Variants in POLR1E observed in about 807,000 individuals in gnomAD.
The protein encoded by POLR1E is DNA-directed RNA polymerase I subunit RPA49.
A neutral mutation model predicts 50.9 loss-of-function variants in POLR1E; 37 were observed. The ratio of observed to expected loss-of-function variants is 0.73; its 90% confidence interval spans 0.56 to 0.96. The LOEUF (loss-of-function observed/expected upper bound fraction) is 0.96, where lower values mean the gene tolerates loss of function less well. POLR1E is among the 40% of genes least tolerant of loss of function. POLR1E has a pLI of 0.00. For missense variants in POLR1E, 426 were observed against 518.1 expected, an observed-to-expected ratio of 0.82 and a Z score of 1.73; for synonymous variants, 166 against 191.6, an observed-to-expected ratio of 0.87 and a Z score of 1.10.
chr9:37,497,145 CG>C (rs768295822), intron 8 of POLR1E, among the ~76,000 whole-genome samples: 6 of 152,112 alleles, frequency 3.9e-5, no homozygotes, highest in Non-Finnish European at 8.8e-5. Context: ...CACCTGAGGT[CG>C]GGAGTTCAAG....
At chr9:37,496,740 C>G (rs113027068) in intron 8 of POLR1E, among the ~76,000 whole-genome samples, 1 of 150,070 alleles carries the variant, frequency 6.7e-6, no homozygotes, top group African/African-American at 2.5e-5. Flanking sequence ...GAACTCTGAG[C>G]GGGGAGTCTG....
chr9:37,503,414 C>T lies in POLR1E; in HGVS notation c.*212C>T, dbSNP rs975478471. ...CAACATAGGGAGACCCCATCTCTAC[C>T]GGAGGAAAAAAAAAAGAGTCAGGCC... On this transcript the variant is annotated 3_prime_UTR_variant, in exon 12 of 12. Transcript: ENST00000377798. The T allele has an allele frequency of 1.4e-5, 6 of 426,536 alleles. No homozygotes were observed. The highest frequency in any genetic ancestry group is 6.4e-5 in the South Asian group (1 of 15,742). 26.4% of individuals were successfully genotyped at this position (426,536 alleles called of 1,614,324 possible). A position where few individuals can be genotyped will look rare whatever the true frequency, so the allele number is the denominator to read the frequency against.
At chr9:37,492,542 C>G in intron 4 of POLR1E, 115 bp from the exon 5 acceptor site, 2 of 1,026,612 alleles carry the variant, frequency 1.9e-6, no homozygotes, top group South Asian at 2.8e-5. Flanking sequence ...TCAGGGAAGT[C>G]CTATAGTAAA....
At chr9:37,489,450 G>A in intron 4 of POLR1E, 50 bp downstream of exon 4, 3 of 1,303,774 alleles carry the variant, frequency 2.3e-6, no homozygotes, top group Admixed American at 2.5e-5. Flanking sequence ...GTTTGGGTTT[G>A]CTGGATGAGT....
intron 8 of POLR1E, among the ~76,000 whole-genome samples, chr9:37,496,622 T>A (rs1564324848): frequency 1.2e-5 from 1 of 83,030 alleles, no homozygotes; most frequent in African/African-American, 5.0e-5. Flanking sequence ...TATTATTATT[T>A]CTTTTTTTTT....
At position 37,500,927 on chromosome 9, in the gene POLR1E, G is replaced by C. The variant is rs764520880; in HGVS notation, c.968+6G>C. 1.2e-5 allele frequency: 20 copies of C among 1,610,922 alleles called. No homozygotes were observed. The highest frequency in any genetic ancestry group is 1.0e-4 in the Admixed American group (6 of 59,942). On this transcript the variant is annotated splice_donor_region_variant and intron_variant, in intron 10 of 11. Transcript: ENST00000377798. Reference sequence around the variant, plus strand: ...TTGACCTACAACAATGGCAGGTCAGGGGGTGGTTGCTGGGATTTTTCTTGT... The same window carrying C: ...TTGACCTACAACAATGGCAGGTCAGCGGGTGGTTGCTGGGATTTTTCTTGT...
chr9:37,492,449 AT>A, intron 4 of POLR1E: 4 of 836,546 alleles, frequency 4.8e-6, no homozygotes, highest in Non-Finnish European at 7.4e-6. Flanking sequence ...TGACCGCTTG[AT>A]TTGGCTAATT....
Position 37,492,183 on chromosome 9 carries a change from T to A in POLR1E, c.344-474T>A, listed in dbSNP as rs1053608640. ...GGCAAGGCCACTCCAGAGCTTGTAC[T>A]GTTGTGTACTAAGTTATACTGCCCT... On this transcript the variant is annotated intron_variant, in intron 4 of 11. Transcript: ENST00000377798. 20 of 1,087,380 alleles carry A rather than the reference T, an allele frequency of 1.8e-5. No individual in the cohort carries two copies. In the African/African-American group the frequency reaches 3.3e-4, roughly 18 times the overall value. 67.4% of individuals were successfully genotyped at this position (1,087,380 alleles called of 1,614,324 possible).
chr9:37,486,052 C>A lies in POLR1E; in HGVS notation c.5C>A (p.Ala2Glu), dbSNP rs767691203. M[A>E]AEVLPSARWQ... Reference sequence around the variant, plus strand: ...CTTGGCGGACAGACAGGCGAGATGGCGGCGGAGGTGTTGCCGAGTGCGAGG... The same window carrying A: ...CTTGGCGGACAGACAGGCGAGATGGAGGCGGAGGTGTTGCCGAGTGCGAGG... Residue 2 changes from alanine (A) to glutamate (E), a missense_variant, in exon 1 of 12, where the codon GCG (alanine) becomes GAG (glutamate). Physicochemically the swap from Ala to Glu is moderately radical, Grantham distance 107. Coordinates refer to ENST00000377798, the MANE Select transcript of POLR1E (RefSeq NM_022490.4). 5.6e-6 allele frequency: 9 copies of A among 1,599,390 alleles called. No homozygotes were observed. Among genetic ancestry groups the A allele is most frequent in the Non-Finnish European group, 7.7e-6 (9 of 1,174,766 alleles).
chr9:37,486,051 G>A lies in POLR1E; in HGVS notation c.4G>A (p.Ala2Thr). M[A>T]AEVLPSARWQ... ...GCTTGGCGGACAGACAGGCGAGATGGCGGCGGAGGTGTTGCCGAGTGCGAG... is the reference window on the plus strand; with the variant it reads ...GCTTGGCGGACAGACAGGCGAGATGACGGCGGAGGTGTTGCCGAGTGCGAG... The change falls in exon 1 of 12, where the codon GCG becomes ACG. Residue 2 changes from alanine to threonine, a missense_variant. Physicochemically the swap from Ala to Thr is moderately conservative, Grantham distance 58. Coordinates refer to ENST00000377798, the MANE Select transcript of POLR1E (RefSeq NM_022490.4). 1.3e-6 allele frequency: 2 copies of A among 1,599,744 alleles called. No individual in the cohort carries two copies. The highest frequency in any genetic ancestry group is 1.1e-5 in the South Asian group (1 of 88,052).
At chr9:37,489,850 A>G (rs1479947907) in intron 4 of POLR1E, among the ~76,000 whole-genome samples, 1 of 152,228 alleles carries the variant, frequency 6.6e-6, no homozygotes, top group East Asian at 1.9e-4. Context: ...CTAGGATTAC[A>G]GGCGCTAGCC....
At chr9:37,490,409 T>C (rs1820660655) in intron 4 of POLR1E, 3 of 747,208 alleles carry the variant, frequency 4.0e-6, no homozygotes, top group Non-Finnish European at 2.5e-6. Flanking sequence ...TCTTTCATTT[T>C]TTAAACACCT....
At chr9:37,502,681 A>T (rs1253939795) in intron 11 of POLR1E, among the ~76,000 whole-genome samples, 1 of 152,166 alleles carries the variant, frequency 6.6e-6, no homozygotes, top group Admixed American at 6.5e-5. Context: ...ACAGGCAGTG[A>T]GGCTGAAAAA....
chr9:37,500,932 G>A lies in POLR1E; in HGVS notation c.968+11G>A. ...CTACAACAATGGCAGGTCAGGGGGT[G>A]GTTGCTGGGATTTTTCTTGTGCAGG... On this transcript the variant is annotated intron_variant, in intron 10 of 11. Coordinates refer to ENST00000377798, the MANE Select transcript of POLR1E (RefSeq NM_022490.4). 1 of 1,608,102 alleles carries A rather than the reference G, an allele frequency of 6.2e-7. No individual in the cohort carries two copies. The highest frequency in any genetic ancestry group is 8.5e-7 in the Non-Finnish European group (1 of 1,175,040).
intron 9 of POLR1E, among the ~76,000 whole-genome samples, chr9:37,499,618 A>G (rs112521116): frequency 0.015 from 2,217 of 151,834 alleles, 59 homozygotes; most frequent in African/African-American, 0.049. Context: ...TACAACCTCC[A>G]TCTCCTGGGT....
chr9:37,489,298 ATTTC>A lies in POLR1E; in HGVS notation c.258-14_258-11del. The stretch of plus-strand genomic sequence containing the variant: ...TGAATAATCCATTGTTATTTGTATT[ATTTC>A]TTCTTTATTCAGGCACTTTGTGGGA... On this transcript the variant is annotated splice_polypyrimidine_tract_variant and intron_variant, in intron 3 of 11. Coordinates refer to ENST00000377798, the MANE Select transcript of POLR1E (RefSeq NM_022490.4). 6.5e-7 allele frequency: 1 copy of A among 1,546,998 alleles called. No individual in the cohort carries two copies. The highest frequency in any genetic ancestry group is 8.8e-7 in the Non-Finnish European group (1 of 1,134,946).
At chr9:37,497,718 T>C (rs1390081282) in intron 8 of POLR1E, among the ~76,000 whole-genome samples, 2 of 152,202 alleles carry the variant, frequency 1.3e-5, no homozygotes, top group East Asian at 3.8e-4. Flanking sequence ...TCTCCTATTA[T>C]AAGGAGTGTT....
chr9:37,492,282 G>C, intron 4 of POLR1E: 3 of 1,292,250 alleles, frequency 2.3e-6, no homozygotes, highest in Middle Eastern at 4.3e-4. Context: ...CTGCTTTTAG[G>C]TCTTTCACCA....
At position 37,493,510 on chromosome 9, in the gene POLR1E, C is replaced by G. The variant is rs767691106; in HGVS notation, c.403-49C>G. 3.4e-6 allele frequency: 5 copies of G among 1,453,462 alleles called. No homozygotes were observed. In the South Asian group the frequency reaches 7.4e-5, roughly 21 times the overall value. The allele number at this position is 1,453,462 out of a possible 1,614,324, so 90.0% of individuals were successfully genotyped here. ...CCCATAGTGACACAGCTAGGAGGGGCAGCACCTACCTGTCCTGTCCCCAGT... is the reference window on the plus strand; with the variant it reads ...CCCATAGTGACACAGCTAGGAGGGGGAGCACCTACCTGTCCTGTCCCCAGT... On this transcript the variant is annotated intron_variant, in intron 5 of 11. Coordinates refer to ENST00000377798, the MANE Select transcript of POLR1E (RefSeq NM_022490.4).
Sources: gnomAD v4.1 joint callset for allele counts (sites outside exome capture counted in the v4.1 genomes callset) on GRCh38, gnomAD v4.1.1 for gene constraint, MANE v1.5 for transcripts, NCBI Gene and HGNC (gene_info 2026-07-23, HGNC 2026-07-21) for gene names.